The following EYS variants were observed in gnomAD, a reference collection of about 807,000 sequenced individuals.
EYS encodes the protein EGF-like photoreceptor maintenance factor.
A neutral mutation model predicts 282.1 loss-of-function variants in EYS; 250 were observed. The ratio of observed to expected loss-of-function variants is 0.89; its 90% CI spans 0.80 to 0.98. EYS has a LOEUF of 0.98. Among genes scored for constraint, EYS ranks in the 50% least tolerant of loss-of-function variants. The pLI is 0.00. For synonymous variants in EYS, 1,355 were observed against 1,282.9 expected (o/e 1.06, Z -1.20); for missense variants, 4,016 against 3,709.0 (o/e 1.08, Z -2.15).
intron 12 of EYS, among the ~76,000 whole-genome samples, chr6:65,235,567 G>T (rs1474002524): frequency 6.6e-6 from 1 of 152,132 alleles, no homozygotes; most frequent in Non-Finnish European, 1.5e-5. Context: ...ATTGAAGCAT[G>T]AATTAGGTGA....
At chr6:65,606,094 TA>T (rs1273494381) in intron 2 of EYS, among the ~76,000 whole-genome samples, 2 of 151,620 alleles carry the variant, frequency 1.3e-5, no homozygotes, top group Non-Finnish European at 3.0e-5. Flanking sequence ...CGCAAATTTT[TA>T]AAAACAATAT....
intron 35 of EYS, among the ~76,000 whole-genome samples, chr6:63,923,663 C>T (rs189183835): frequency 7.1e-4 from 108 of 152,190 alleles, no homozygotes; most frequent in African/African-American, 1.9e-3. Flanking sequence ...GTTGGGAGTA[C>T]GACTGGTCCT....
chr6:64,709,345 G>A (rs1417817080), intron 22 of EYS, among the ~76,000 whole-genome samples: 4 of 151,994 alleles, frequency 2.6e-5, no homozygotes, highest in Non-Finnish European at 2.9e-5. Flanking sequence ...ACTATCCTAA[G>A]CTTAAAAATA....
chr6:65,560,595 G>A (rs547591882), intron 2 of EYS, among the ~76,000 whole-genome samples: 5 of 151,582 alleles, frequency 3.3e-5, no homozygotes, highest in Admixed American at 1.3e-4. Flanking sequence ...GCACTGAAAT[G>A]ATGGCATGCA....
At chr6:64,508,553 TA>T (rs1332620223) in intron 26 of EYS, among the ~76,000 whole-genome samples, 10 of 118,984 alleles carry the variant, frequency 8.4e-5, no homozygotes, top group African/African-American at 3.9e-4. Context: ...TCTAAGTATT[TA>T]TTATTATTAT....
At chr6:65,149,819 C>T (rs1023894426) in intron 12 of EYS, among the ~76,000 whole-genome samples, 9 of 152,244 alleles carry the variant, frequency 5.9e-5, no homozygotes, top group African/African-American at 2.2e-4. Context: ...TTTGTTCTCA[C>T]ACTGCTATGA....
At chr6:64,773,109 T>G (rs1401663777) in intron 22 of EYS, among the ~76,000 whole-genome samples, 1 of 151,750 alleles carries the variant, frequency 6.6e-6, no homozygotes, top group Admixed American at 6.6e-5. Flanking sequence ...CAATAGGTAG[T>G]TTTTCAATCC....
intron 35 of EYS, among the ~76,000 whole-genome samples, chr6:63,982,695 G>A (rs1166064795): frequency 1.3e-5 from 2 of 151,720 alleles, no homozygotes; most frequent in Non-Finnish European, 2.9e-5. Flanking sequence ...TTGGTTAAAA[G>A]CAAGTCACAG....
At chr6:64,807,573 T>G (rs1764469791) in intron 22 of EYS, among the ~76,000 whole-genome samples, 1 of 152,180 alleles carries the variant, frequency 6.6e-6, no homozygotes, top group Non-Finnish European at 1.5e-5. Context: ...TTATCTATTA[T>G]TTGTCATGTA....
chr6:65,358,599 A>AGTGTGTGTGTGTGT lies in EYS; in HGVS notation c.1300-4996_1300-4983dup, dbSNP rs61588307. Among the ~76,000 whole-genome samples, 693 of 140,898 alleles carry AGTGTGTGTGTGTGT rather than the reference A, an allele frequency of 4.9e-3. 3 individuals carry two copies. Among genetic ancestry groups the AGTGTGTGTGTGTGT allele is most frequent in the Middle Eastern group, 0.01 (3 of 288 alleles). 92.4% of individuals were successfully genotyped at this position (140,898 alleles called of 152,430 possible). A position where few individuals can be genotyped will look rare whatever the true frequency, so the allele number is the denominator to read the frequency against. Reference sequence around the variant, plus strand: ...ATCCTCTGTTGCTGTAGGTTTCTGAAGTGTGTGTGTGTGTGTGTGTGTGTG... The same window carrying AGTGTGTGTGTGTGT: ...ATCCTCTGTTGCTGTAGGTTTCTGAAGTGTGTGTGTGTGTGTGTGTGTGTGTGTGTGTGTGTGTG... On this transcript the variant is annotated intron_variant, in intron 8 of 42. Transcript: ENST00000503581.
chr6:65,310,206 A>G (rs567054580), intron 11 of EYS, among the ~76,000 whole-genome samples: 39 of 152,002 alleles, frequency 2.6e-4, no homozygotes, highest in Admixed American at 7.2e-4. Context: ...TAGTCAGGCA[A>G]GGTGGCATGT....
intron 2 of EYS, among the ~76,000 whole-genome samples, chr6:65,620,144 T>C (rs1172258589): frequency 6.6e-6 from 1 of 152,190 alleles, no homozygotes; most frequent in Non-Finnish European, 1.5e-5. Context: ...AGCTCCTCCT[T>C]GTACCTCTGG....
chr6:65,563,441 C>A (rs1004784571), intron 2 of EYS, among the ~76,000 whole-genome samples: 1 of 151,994 alleles, frequency 6.6e-6, no homozygotes, highest in Non-Finnish European at 1.5e-5. Context: ...TATTCAGCTA[C>A]ATTTTCATGT....
At chr6:64,378,495 A>G (rs1274051926) in intron 29 of EYS, among the ~76,000 whole-genome samples, 1 of 152,214 alleles carries the variant, frequency 6.6e-6, no homozygotes, top group African/African-American at 2.4e-5. Flanking sequence ...ATATAGGACT[A>G]GAAATAACTT....
chr6:65,283,868 G>T (rs1259768926), intron 12 of EYS, among the ~76,000 whole-genome samples: 1 of 151,990 alleles, frequency 6.6e-6, no homozygotes, highest in African/African-American at 2.4e-5. Flanking sequence ...TATATTAAGT[G>T]AATTAATTTG....
At chr6:64,218,910 A>G (rs1171801421) in intron 31 of EYS, among the ~76,000 whole-genome samples, 1 of 152,196 alleles carries the variant, frequency 6.6e-6, no homozygotes, top group African/African-American at 2.4e-5. Context: ...TCATCTAGAA[A>G]TAACCTTGTC....
chr6:65,204,136 T>C (rs1010212049), intron 12 of EYS, among the ~76,000 whole-genome samples: 8 of 151,942 alleles, frequency 5.3e-5, no homozygotes, highest in African/African-American at 1.7e-4. Flanking sequence ...AAAAACATAA[T>C]TGAGAAAATA....
intron 29 of EYS, among the ~76,000 whole-genome samples, chr6:64,335,511 T>A (rs2150393206): frequency 6.6e-6 from 1 of 152,230 alleles, no homozygotes; most frequent in East Asian, 1.9e-4. Context: ...TCGCTTCCTG[T>A]CTCACGTAGT....
intron 5 of EYS, among the ~76,000 whole-genome samples, chr6:65,435,495 C>G (rs970207414): frequency 6.6e-6 from 1 of 151,918 alleles, no homozygotes; most frequent in Non-Finnish European, 1.5e-5. Flanking sequence ...AGCATGTTTA[C>G]AGTCTCTTAT....
Sources: allele counts gnomAD v4.1 joint callset (sites outside exome capture counted in the v4.1 genomes callset), GRCh38; gene constraint gnomAD v4.1.1; transcripts MANE v1.5; gene names NCBI Gene and HGNC (gene_info 2026-07-23, HGNC 2026-07-21).